The following CNTN6 variants were observed in gnomAD, a reference collection of about 807,000 sequenced individuals.
The protein encoded by CNTN6 is contactin-6.
Under a neutral mutation model 122.8 loss-of-function variants are expected in CNTN6, and 137 were observed. The observed-to-expected ratio is 1.12, with a 90% CI of 0.97 to 1.29. The LOEUF (loss-of-function observed/expected upper bound fraction) is 1.29, where lower values mean the gene tolerates loss of function less well. CNTN6 is among the 50% of genes most tolerant of loss of function. The pLI, the probability that CNTN6 is intolerant of heterozygous loss-of-function variation, is 0.00. For missense variants in CNTN6, 1,634 were observed against 1,223.4 expected, an observed-to-expected ratio of 1.34 and a Z score of -5.01; for synonymous variants, 570 against 426.0, an observed-to-expected ratio of 1.34 and a Z score of -4.16.
intron 12 of CNTN6, among the ~76,000 whole-genome samples, chr3:1,367,520 T>C (rs1445152804): frequency 6.6e-6 from 1 of 151,918 alleles, no homozygotes; most frequent in Non-Finnish European, 1.5e-5. Context: ...TCTCAATTTG[T>C]GTTTTGTACA....
rs540190836 is a variant in CNTN6, at chr3:1,196,900, G to T, written c.56-23787G>T. Among the ~76,000 whole-genome samples the T allele has an allele frequency of 4.6e-5, 7 of 152,254 alleles. No individual in the cohort carries two copies. In the East Asian group the frequency reaches 1.3e-3, roughly 29 times the overall value. On this transcript the variant is annotated intron_variant, in intron 2 of 22. Transcript: ENST00000446702. ...TATAAAACTTTCTGCCCAGCCTAGC[G>T]CAGGTTAGAGTTCCCATATGTCTAT...
intron 4 of CNTN6, among the ~76,000 whole-genome samples, chr3:1,237,267 A>C (rs1233829903): frequency 6.6e-6 from 1 of 152,028 alleles, no homozygotes; most frequent in Non-Finnish European, 1.5e-5. Flanking sequence ...AAGCAATAGA[A>C]TCAAACAAGC....
At chr3:1,386,226 G>A (rs1409024592) in intron 20 of CNTN6, among the ~76,000 whole-genome samples, 5 of 150,842 alleles carry the variant, frequency 3.3e-5, no homozygotes, top group African/African-American at 1.2e-4. Context: ...AATAATAAGT[G>A]TCCAGTACAC....
intron 1 of CNTN6, among the ~76,000 whole-genome samples, chr3:1,109,711 C>T (rs1211405219): frequency 1.3e-5 from 2 of 151,824 alleles, no homozygotes; most frequent in Non-Finnish European, 2.9e-5. Flanking sequence ...TCTATTTTTA[C>T]CCAAGTTGTT....
intron 11 of CNTN6, among the ~76,000 whole-genome samples, chr3:1,331,237 T>A (rs17037824): frequency 0.019 from 2,828 of 152,072 alleles, 100 homozygotes; most frequent in African/African-American, 0.064. Flanking sequence ...TTTCTTTACA[T>A]CCCTGGACTA....
chr3:1,097,447 T>C (rs2090590739), intron 1 of CNTN6, among the ~76,000 whole-genome samples: 1 of 152,218 alleles, frequency 6.6e-6, no homozygotes, highest in Non-Finnish European at 1.5e-5. Flanking sequence ...TAAAAGAACA[T>C]GATGTGTCGT....
chr3:1,264,269 C>G (rs575731913), intron 4 of CNTN6, among the ~76,000 whole-genome samples: 2 of 152,064 alleles, frequency 1.3e-5, no homozygotes, highest in Non-Finnish European at 2.9e-5. Flanking sequence ...GGCGCTGATA[C>G]AAACAAACGG....
At chr3:1,402,713 GAAA>G (rs532966629) in intron 22 of CNTN6, 1 of 390,126 alleles carries the variant, frequency 2.6e-6, no homozygotes, top group Non-Finnish European at 4.6e-6. Flanking sequence ...AAGAGAACAG[GAAA>G]AAAAATCTTT....
At chr3:1,201,967 A>G (rs2093878581) in intron 2 of CNTN6, among the ~76,000 whole-genome samples, 1 of 151,480 alleles carries the variant, frequency 6.6e-6, no homozygotes, top group Non-Finnish European at 1.5e-5. Flanking sequence ...ATAATTGGGT[A>G]TTTTTTCTCT....
chr3:1,214,142 C>A (rs867934458), intron 2 of CNTN6, among the ~76,000 whole-genome samples: 1 of 151,832 alleles, frequency 6.6e-6, no homozygotes, highest in Middle Eastern at 3.2e-3. Context: ...CCCATTATTC[C>A]TCTTTCATTC....
chr3:1,293,471 G>A (rs552162704), intron 5 of CNTN6, among the ~76,000 whole-genome samples: 2 of 152,116 alleles, frequency 1.3e-5, no homozygotes. Context: ...AATTTAGTAA[G>A]GTTAGTGAAG....
intron 8 of CNTN6, among the ~76,000 whole-genome samples, chr3:1,323,601 T>G (rs1261576036): frequency 6.6e-6 from 1 of 151,810 alleles, no homozygotes; most frequent in East Asian, 1.9e-4. Flanking sequence ...TTGCTGTGTT[T>G]AAGTTATAAT....
intron 4 of CNTN6, among the ~76,000 whole-genome samples, chr3:1,241,180 T>C (rs565024862): frequency 2.0e-5 from 3 of 152,254 alleles, no homozygotes; most frequent in Admixed American, 6.5e-5. Flanking sequence ...GCCATCTGGA[T>C]GTATACGTGC....
At chr3:1,093,655 A>G (rs2090360364) in intron 1 of CNTN6, among the ~76,000 whole-genome samples, 1 of 152,160 alleles carries the variant, frequency 6.6e-6, no homozygotes, top group African/African-American at 2.4e-5. Flanking sequence ...ACTGGAGGTC[A>G]TATGGGCTCA....
In CNTN6 at chr3:1,317,325, C is replaced by T. The variant is rs146216326; in HGVS notation, c.762-4325C>T. On this transcript the variant is annotated intron_variant, in intron 7 of 22. Coordinates refer to ENST00000446702, the MANE Select transcript of CNTN6 (RefSeq NM_001289080.2). ...CACCATATCATGTAATTCAATCACA[C>T]AGATAGAAACTAACCTAGCTAGCAT... Among the ~76,000 whole-genome samples the T allele has an allele frequency of 1.4e-4, 21 of 151,850 alleles. No homozygotes were observed. The East Asian group carries it at 4.1e-3, about 29-fold the overall frequency.
chr3:1,298,002 T>A lies in CNTN6; in HGVS notation c.761+11T>A, dbSNP rs1394363889. ...TTTTGCCCTTGGAAAGTAAGGTTTT[T>A]GTTTTTGTTTTTGTTTTCCTGGTTG... On this transcript the variant is annotated intron_variant, in intron 7 of 22. Coordinates refer to ENST00000446702, the MANE Select transcript of CNTN6 (RefSeq NM_001289080.2). 1.5e-6 allele frequency: 1 copy of A among 683,030 alleles called. No individual in the cohort carries two copies. Among genetic ancestry groups the A allele is most frequent in the Non-Finnish European group, 2.0e-6 (1 of 500,102 alleles). 42.3% of individuals were successfully genotyped at this position (683,030 alleles called of 1,614,324 possible).
intron 12 of CNTN6, among the ~76,000 whole-genome samples, chr3:1,368,063 C>T (rs912050237): frequency 6.6e-6 from 1 of 152,180 alleles, no homozygotes; most frequent in African/African-American, 2.4e-5. Context: ...ATAAAATCCA[C>T]AGGCTTAGAA....
chr3:1,103,093 C>A (rs370409753), intron 1 of CNTN6, among the ~76,000 whole-genome samples: 82 of 151,802 alleles, frequency 5.4e-4, no homozygotes, highest in Admixed American at 2.8e-3. Context: ...GCGACAGAGC[C>A]AGACTCCGTC....
At chr3:1,272,443 T>C (rs1365039653) in intron 4 of CNTN6, among the ~76,000 whole-genome samples, 22 of 152,154 alleles carry the variant, frequency 1.4e-4, no homozygotes, top group Non-Finnish European at 1.5e-5. Flanking sequence ...ATCTGACATA[T>C]AATGGCTATT....
Sources: gnomAD v4.1 joint callset for allele counts (sites outside exome capture counted in the v4.1 genomes callset) on GRCh38, gnomAD v4.1.1 for gene constraint, MANE v1.5 for transcripts, NCBI Gene and HGNC (gene_info 2026-07-23, HGNC 2026-07-21) for gene names.